Variants in FBXL7 observed in about 807,000 individuals in gnomAD.
The protein encoded by FBXL7 is F-box/LRR-repeat protein 7.
A neutral mutation model predicts 38.3 loss-of-function variants in FBXL7; 12 were observed. The ratio of observed to expected loss-of-function variants is 0.31; its 90% CI spans 0.20 to 0.51. The LOEUF (loss-of-function observed/expected upper bound fraction) is 0.51, where lower values mean the gene tolerates loss of function less well. Among genes scored for constraint, FBXL7 ranks in the 20% least tolerant of loss-of-function variants. The probability of loss-of-function intolerance (pLI) is 0.98; values close to 1 mark genes in which losing one functional copy is unlikely to be tolerated. For missense variants in FBXL7, 567 were observed against 676.4 expected (o/e 0.84, Z 1.79); for synonymous variants, 297 against 300.9 (o/e 0.99, Z 0.13).
At chr5:15,898,702 A>G (rs903860831) in intron 2 of FBXL7, among the ~76,000 whole-genome samples, 4 of 152,222 alleles carry the variant, frequency 2.6e-5, no homozygotes, top group Admixed American at 6.5e-5. Context: ...ACACGAGGAG[A>G]AAACTCAATG....
chr5:15,683,996 A>G (rs80123692), intron 2 of FBXL7, among the ~76,000 whole-genome samples: 16,665 of 152,160 alleles, frequency 0.11, 1,124 homozygotes, highest in South Asian at 0.17. Context: ...GCCTTTTAAA[A>G]ATTAAATTAT....
chr5:15,532,721 G>A (rs1580355238), intron 1 of FBXL7, among the ~76,000 whole-genome samples: 1 of 152,322 alleles, frequency 6.6e-6, no homozygotes, highest in South Asian at 2.1e-4. Flanking sequence ...CCTAGCCAGA[G>A]AACAGAGAAC....
chr5:15,553,929 T>C (rs1374630739), intron 1 of FBXL7, among the ~76,000 whole-genome samples: 1 of 152,172 alleles, frequency 6.6e-6, no homozygotes, highest in Non-Finnish European at 1.5e-5. Flanking sequence ...TTCTTTATGT[T>C]TGTCTTCACA....
intron 1 of FBXL7, among the ~76,000 whole-genome samples, chr5:15,504,313 G>A (rs1223298980): frequency 1.3e-5 from 2 of 152,116 alleles, no homozygotes; most frequent in African/African-American, 2.4e-5. Flanking sequence ...GATTAACTTT[G>A]GAAAGACATT....
chr5:15,844,694 G>GT, intron 2 of FBXL7, among the ~76,000 whole-genome samples: 1 of 152,276 alleles, frequency 6.6e-6, no homozygotes, highest in South Asian at 2.1e-4. Flanking sequence ...AGGTGGGAGT[G>GT]TGAGAGAAAA....
chr5:15,506,465 T>C (rs1736653134), intron 1 of FBXL7, among the ~76,000 whole-genome samples: 1 of 152,212 alleles, frequency 6.6e-6, no homozygotes, highest in South Asian at 2.1e-4. Context: ...CATGGGTTGC[T>C]GAAACTGAAC....
intron 1 of FBXL7, among the ~76,000 whole-genome samples, chr5:15,555,553 G>T (rs571382791): frequency 2.5e-4 from 38 of 152,214 alleles, no homozygotes; most frequent in Admixed American, 2.2e-3. Context: ...TGATTTTCTT[G>T]GCTTTGCCCC....
At chr5:15,773,363 G>A (rs1736778790) in intron 2 of FBXL7, among the ~76,000 whole-genome samples, 1 of 152,072 alleles carries the variant, frequency 6.6e-6, no homozygotes, top group Non-Finnish European at 1.5e-5. Context: ...CATTTTCCTG[G>A]CCAGGTGTTG....
chr5:15,796,856 G>A (rs1249084023), intron 2 of FBXL7, among the ~76,000 whole-genome samples: 1 of 152,172 alleles, frequency 6.6e-6, no homozygotes, highest in East Asian at 1.9e-4. Context: ...TAGGAGGCAC[G>A]GAATGGATTT....
chr5:15,737,050 A>G (rs891674275), intron 2 of FBXL7, among the ~76,000 whole-genome samples: 3 of 152,154 alleles, frequency 2.0e-5, no homozygotes, highest in Non-Finnish European at 2.9e-5. Context: ...TAGCACAGAG[A>G]GGTCAGTTAC....
At chr5:15,798,494 A>T (rs1349154154) in intron 2 of FBXL7, among the ~76,000 whole-genome samples, 1 of 152,238 alleles carries the variant, frequency 6.6e-6, no homozygotes, top group Non-Finnish European at 1.5e-5. Context: ...TTTTCCCAAA[A>T]AATGGAGCAG....
chr5:15,682,706 T>A (rs1447332780), intron 2 of FBXL7, among the ~76,000 whole-genome samples: 1 of 152,156 alleles, frequency 6.6e-6, no homozygotes, highest in Non-Finnish European at 1.5e-5. Flanking sequence ...ATTTCCTCAA[T>A]AGAATTCCCA....
At chr5:15,724,707 A>C (rs1422259099) in intron 2 of FBXL7, among the ~76,000 whole-genome samples, 3 of 152,214 alleles carry the variant, frequency 2.0e-5, no homozygotes, top group African/African-American at 7.2e-5. Context: ...GCTAACATTT[A>C]AACAAATTAA....
intron 2 of FBXL7, among the ~76,000 whole-genome samples, chr5:15,922,405 A>G (rs1355375879): frequency 6.6e-6 from 1 of 152,130 alleles, no homozygotes; most frequent in Non-Finnish European, 1.5e-5. Context: ...TTTTATGTAT[A>G]CTGCTTTGCA....
At chr5:15,747,732 C>T (rs1334425150) in intron 2 of FBXL7, among the ~76,000 whole-genome samples, 3 of 152,092 alleles carry the variant, frequency 2.0e-5, no homozygotes, top group African/African-American at 7.2e-5. Context: ...GATGTAGAGC[C>T]ATAAGGGAAT....
chr5:15,558,462 A>C (rs1435771596), intron 1 of FBXL7, among the ~76,000 whole-genome samples: 1 of 152,198 alleles, frequency 6.6e-6, no homozygotes, highest in East Asian at 1.9e-4. Flanking sequence ...GGCCAAGGGG[A>C]GCCAGCCAAA....
chr5:15,665,701 C>T (rs999151349), intron 2 of FBXL7, among the ~76,000 whole-genome samples: 15 of 152,278 alleles, frequency 9.9e-5, no homozygotes, highest in Admixed American at 9.8e-4. Context: ...TTCATATCCA[C>T]AGCTATATAC....
chr5:15,650,193 C>T (rs984020422), intron 2 of FBXL7, among the ~76,000 whole-genome samples: 1 of 152,182 alleles, frequency 6.6e-6, no homozygotes, highest in Non-Finnish European at 1.5e-5. Context: ...CTTAGAGATA[C>T]TGCAGGTTTG....
intron 2 of FBXL7, among the ~76,000 whole-genome samples, chr5:15,836,139 A>G (rs1049424173): frequency 6.6e-6 from 1 of 152,172 alleles, no homozygotes; most frequent in Non-Finnish European, 1.5e-5. Flanking sequence ...TCTGCCTTTC[A>G]TGGTTCTTGT....
Sources: allele counts gnomAD v4.1 joint callset (sites outside exome capture counted in the v4.1 genomes callset), GRCh38; gene constraint gnomAD v4.1.1; transcripts MANE v1.5; gene names NCBI Gene and HGNC (gene_info 2026-07-23, HGNC 2026-07-21).